The following FHIT variants were observed in gnomAD, a reference collection of about 807,000 sequenced individuals.
FHIT encodes fragile histidine triad diadenosine triphosphatase.
A neutral mutation model predicts 17.9 loss-of-function variants in FHIT; 19 were observed. The observed-to-expected ratio is 1.06, with a 90% CI of 0.74 to 1.56. The LOEUF is 1.56. FHIT is among the 40% of genes most tolerant of loss of function. The pLI is 0.00. For synonymous variants in FHIT, 81 were observed against 69.7 expected, an observed-to-expected ratio of 1.16 and a Z score of -0.81; for missense variants, 248 against 189.2, an observed-to-expected ratio of 1.31 and a Z score of -1.82.
At chr3:60,087,630 C>G (rs7623993) in intron 5 of FHIT, among the ~76,000 whole-genome samples, 2 of 151,994 alleles carry the variant, frequency 1.3e-5, no homozygotes, top group South Asian at 2.1e-4. Flanking sequence ...CTTTTAAGTT[C>G]GACCTTCCAC....
At chr3:59,755,236 T>TTGTC (rs536866435) in intron 8 of FHIT, among the ~76,000 whole-genome samples, 57 of 152,350 alleles carry the variant, frequency 3.7e-4, no homozygotes, top group African/African-American at 1.4e-3. Context: ...CCTACAAGGC[T>TTGTC]TGTCTTAGCA....
At position 60,207,220 on chromosome 3, in the gene FHIT, G is replaced by A. The variant is rs182143014; in HGVS notation, c.104-193068C>T. Among the ~76,000 whole-genome samples, 318 of 151,904 alleles carry A rather than the reference G, an allele frequency of 2.1e-3. 5 individuals carry two copies. The Middle Eastern group carries it at 0.068, about 32-fold the overall frequency. Reference sequence around the variant, plus strand: ...AATAAACATCCAGAAAAAAAGAGGGGAAAAAGTCAATATAAAAATTTAGAA... The same window carrying A: ...AATAAACATCCAGAAAAAAAGAGGGAAAAAAGTCAATATAAAAATTTAGAA... On this transcript the variant is annotated intron_variant, in intron 5 of 9. Coordinates refer to ENST00000492590, the MANE Select transcript of FHIT (RefSeq NM_002012.4).
chr3:61,234,799 C>T (rs1016111122), intron 1 of FHIT, among the ~76,000 whole-genome samples: 8 of 152,156 alleles, frequency 5.3e-5, no homozygotes, highest in Non-Finnish European at 8.8e-5. Context: ...TAATACCTGC[C>T]TGCAGATCCA....
At chr3:60,377,027 A>T (rs915307320) in intron 5 of FHIT, among the ~76,000 whole-genome samples, 20 of 152,304 alleles carry the variant, frequency 1.3e-4, no homozygotes, top group African/African-American at 4.3e-4. Flanking sequence ...ACTTTACTAA[A>T]ATAATATCTT....
At chr3:60,344,284 T>C (rs1710667611) in intron 5 of FHIT, among the ~76,000 whole-genome samples, 1 of 152,204 alleles carries the variant, frequency 6.6e-6, no homozygotes, top group Non-Finnish European at 1.5e-5. Context: ...CTGTTTTTGT[T>C]TGATGACAAC....
At chr3:60,558,673 G>A (rs560918080) in intron 4 of FHIT, among the ~76,000 whole-genome samples, 2 of 152,138 alleles carry the variant, frequency 1.3e-5, no homozygotes, top group African/African-American at 2.4e-5. Context: ...TTCTATACCA[G>A]GAAGGGCCCA....
At chr3:60,082,153 G>A (rs1417721748) in intron 5 of FHIT, among the ~76,000 whole-genome samples, 1 of 151,596 alleles carries the variant, frequency 6.6e-6, no homozygotes, top group Non-Finnish European at 1.5e-5. Flanking sequence ...AGTGTTTATG[G>A]CTGCCATTTT....
At chr3:60,142,744 A>C (rs995062056) in intron 5 of FHIT, among the ~76,000 whole-genome samples, 3 of 151,000 alleles carry the variant, frequency 2.0e-5, no homozygotes, top group African/African-American at 7.3e-5. Flanking sequence ...GGCTGGTCTC[A>C]AACTCCTGGC....
chr3:60,993,158 G>A (rs374670527), intron 3 of FHIT, among the ~76,000 whole-genome samples: 2 of 152,122 alleles, frequency 1.3e-5, no homozygotes, highest in Non-Finnish European at 2.9e-5. Flanking sequence ...ATCTATCTCA[G>A]TGAAAAATGT....
chr3:60,714,700 G>T (rs868951263), intron 4 of FHIT, among the ~76,000 whole-genome samples: 6 of 152,096 alleles, frequency 3.9e-5, no homozygotes, highest in African/African-American at 1.2e-4. Context: ...TCAAAGAGAA[G>T]AAAATACCTA....
Position 61,048,005 on chromosome 3 carries a change from C to A in FHIT, c.-163-5906G>T, listed in dbSNP as rs550645251. ...TGGATTAAAGACTTAAATGTTAGAC[C>A]TAAAACCATAAAAACCCTAGAAGAA... On this transcript the variant is annotated intron_variant, in intron 2 of 9. Transcript: ENST00000492590. 4.8e-3 allele frequency among the ~76,000 whole-genome samples: 719 copies of A among 151,182 alleles called. 8 individuals carry two copies. Among genetic ancestry groups the A allele is most frequent in the South Asian group, 0.024 (111 of 4,720 alleles).
chr3:60,041,763 T>C (rs934518657), intron 5 of FHIT, among the ~76,000 whole-genome samples: 7 of 152,212 alleles, frequency 4.6e-5, no homozygotes, highest in Non-Finnish European at 7.3e-5. Context: ...ATACATGAAA[T>C]TGCCTCTTTT....
chr3:60,660,660 G>T (rs907692030), intron 4 of FHIT, among the ~76,000 whole-genome samples: 1 of 138,774 alleles, frequency 7.2e-6, no homozygotes. Flanking sequence ...GATGGGTAAT[G>T]ATATCTCATT....
chr3:60,444,407 C>T (rs1328915652), intron 5 of FHIT, among the ~76,000 whole-genome samples: 4 of 152,058 alleles, frequency 2.6e-5, no homozygotes, highest in South Asian at 4.1e-4. Flanking sequence ...ATGTTTATTG[C>T]GGCACTACTC....
intron 4 of FHIT, among the ~76,000 whole-genome samples, chr3:60,570,079 G>A (rs184556744): frequency 2.0e-5 from 3 of 152,134 alleles, no homozygotes; most frequent in Non-Finnish European, 4.4e-5. Context: ...TTATATCACA[G>A]TCTATGGCGG....
In FHIT at chr3:60,058,356, C is replaced by T. The variant is rs142443377; in HGVS notation, c.104-44204G>A. On this transcript the variant is annotated intron_variant, in intron 5 of 9. Transcript: ENST00000492590. ...ATGTTGGGCAGGATGGTCTGGATCT[C>T]TTGACCTCATGATCTGCCCGCCTCA... Among the ~76,000 whole-genome samples the T allele has an allele frequency of 6.0e-3, 908 of 151,940 alleles. 7 individuals are homozygous for T. The highest frequency in any genetic ancestry group is 0.02 in the African/African-American group (848 of 41,424).
At chr3:60,515,197 G>A (rs910412147) in intron 5 of FHIT, among the ~76,000 whole-genome samples, 2 of 152,180 alleles carry the variant, frequency 1.3e-5, no homozygotes. Context: ...AGTGTGAGCG[G>A]AAGCTGGGAA....
intron 5 of FHIT, among the ~76,000 whole-genome samples, chr3:60,145,896 G>C (rs188173186): frequency 1.3e-5 from 2 of 152,228 alleles, no homozygotes; most frequent in East Asian, 3.9e-4. Context: ...CCCAAGAACA[G>C]TGAATAATCT....
intron 4 of FHIT, chr3:60,537,569 T>A (rs1340714793): frequency 4.4e-6 from 2 of 454,012 alleles, no homozygotes; most frequent in Admixed American, 1.3e-4. Context: ...AAAACGGAGT[T>A]CAAAACTAGA....
Sources: allele counts gnomAD v4.1 joint callset (sites outside exome capture counted in the v4.1 genomes callset), GRCh38; gene constraint gnomAD v4.1.1; transcripts MANE v1.5; gene names NCBI Gene and HGNC (gene_info 2026-07-23, HGNC 2026-07-21).